The following EEF1D variants were observed in gnomAD, a reference collection of about 807,000 sequenced individuals.
EEF1D encodes the protein elongation factor 1-delta.
In EEF1D, 47 loss-of-function variants were observed where a neutral mutation model predicts 63.9. The observed-to-expected ratio is 0.74, with a 90% CI of 0.58 to 0.94. EEF1D has a LOEUF of 0.94. Ranked by LOEUF, EEF1D falls within the 40% of genes least tolerant of loss-of-function variation. The pLI is 0.00. For synonymous variants in EEF1D, 412 were observed against 386.1 expected (o/e 1.07, Z -0.79); for missense variants, 907 against 899.0 (o/e 1.01, Z -0.11).
In EEF1D at chr8:143,589,523, C is replaced by G; in HGVS notation, c.559G>C (p.Ala187Pro). 6.6e-7 allele frequency: 1 copy of G among 1,511,410 alleles called. No homozygotes were observed. The highest frequency in any genetic ancestry group is 2.3e-5 in the East Asian group (1 of 42,712). 93.6% of individuals were successfully genotyped at this position (1,511,410 alleles called of 1,614,324 possible). ...FVEWSQALLLAPDGSRRQGTP... is the reference protein window; with the variant it reads ...FVEWSQALLLPPDGSRRQGTP... The stretch of plus-strand genomic sequence containing the variant: ...CCCTGCCTGCGGCTGCCGTCGGGGG[C>G]CAGCAACAGGGCCTGAGACCACTCC... The change falls in exon 3 of 10, where the codon GCC becomes CCC. Residue 187 changes from alanine (A) to proline (P), a missense_variant. Ala to Pro is a conservative substitution (Grantham distance 27, BLOSUM62 -1). Coordinates refer to ENST00000618139, the MANE Select transcript of EEF1D (RefSeq NM_001130053.5).
chr8:143,581,305 G>C lies in EEF1D; in HGVS notation c.1311C>G (p.Ser437Arg). 1 of 1,611,798 alleles carries C rather than the reference G, an allele frequency of 6.2e-7. No homozygotes were observed. The highest frequency in any genetic ancestry group is 8.5e-7 in the Non-Finnish European group (1 of 1,179,926). Residue 437 changes from serine (S) to arginine (R), a missense_variant, in exon 6 of 10, where the codon AGC (serine) becomes AGG (arginine). Coordinates refer to ENST00000618139, the MANE Select transcript of EEF1D (RefSeq NM_001130053.5). ...GCTCACCGTGGTCTCCGCTGGTGCC[G>C]CTGGAGGCCCCGGGGCCTGAGCTCT... The part of the protein sequence containing the change: ...LAGSSGPGAS[S>R]GTSGDHGELV...
Position 143,594,375 on chromosome 8 carries a change from C to T in EEF1D, c.-14-1715G>A, listed in dbSNP as rs1208564062. Reference sequence around the variant, plus strand: ...TGCAGCGGCATGGCCCTCACAGCCTCCCCTGTCCCTGTCCTGGGAGCAGCC... The same window carrying T: ...TGCAGCGGCATGGCCCTCACAGCCTTCCCTGTCCCTGTCCTGGGAGCAGCC... On this transcript the variant is annotated intron_variant, in intron 1 of 9. Coordinates refer to ENST00000618139, the MANE Select transcript of EEF1D (RefSeq NM_001130053.5). The T allele has an allele frequency of 6.8e-5, 10 of 146,312 alleles. No individual in the cohort carries two copies. In the Admixed American group the frequency reaches 7.0e-4, roughly 10 times the overall value. The allele number at this position is 146,312 out of a possible 1,614,324, so 9.1% of individuals were successfully genotyped here. A position where few individuals can be genotyped will look rare whatever the true frequency, so the allele number is the denominator to read the frequency against.
chr8:143,590,314 C>T lies in EEF1D; in HGVS notation c.1-233G>A, dbSNP rs1044377631. The T allele has an allele frequency of 1.6e-5, 11 of 688,286 alleles. No individual in the cohort carries two copies. The Admixed American group carries it at 2.9e-4, about 18-fold the overall frequency. 42.6% of individuals were successfully genotyped at this position (688,286 alleles called of 1,614,324 possible). A position where few individuals can be genotyped will look rare whatever the true frequency, so the allele number is the denominator to read the frequency against. ...AGAAAACAGGCCGGGCGCAGTGGCTCATGCCTGTAATCTCAGTACTCTGGG... is the reference window on the plus strand; with the variant it reads ...AGAAAACAGGCCGGGCGCAGTGGCTTATGCCTGTAATCTCAGTACTCTGGG... On this transcript the variant is annotated intron_variant, in intron 2 of 9. Coordinates refer to ENST00000618139, the MANE Select transcript of EEF1D (RefSeq NM_001130053.5).
At chr8:143,585,155 A>G (rs1037654827) in intron 5 of EEF1D, among the ~76,000 whole-genome samples, 3 of 152,150 alleles carry the variant, frequency 2.0e-5, no homozygotes, top group Non-Finnish European at 2.9e-5. Flanking sequence ...ACTACCTTAC[A>G]TGGCAAAAAG....
Position 143,589,881 on chromosome 8 carries a change from G to A in EEF1D, c.201C>T (p.Asp67=), listed in dbSNP as rs936359272. 31 of 1,599,312 alleles carry A rather than the reference G, an allele frequency of 1.9e-5. No individual in the cohort carries two copies. Among genetic ancestry groups the A allele is most frequent in the East Asian group, 4.5e-5 (2 of 44,708 alleles). ...TCCTGGGATCACGCCTGCTGCCGCC[G>A]TCAGGGGCTTCCGCCTCATCAGCGT... ...PEDADEAEAP[D]GGSRRDPRKS... The change falls in exon 3 of 10, where the codon GAC becomes GAT. Residue 67 remains aspartate (D), a synonymous_variant. Transcript: ENST00000618139.
chr8:143,585,348 A>C (rs1826366117), intron 5 of EEF1D, among the ~76,000 whole-genome samples: 1 of 152,126 alleles, frequency 6.6e-6, no homozygotes, highest in African/African-American at 2.4e-5. Context: ...GAGCACCTTG[A>C]AACAAGCAAC....
In EEF1D at chr8:143,589,204, C is replaced by T. The variant is rs1412814321; in HGVS notation, c.878G>A (p.Arg293Gln). 8.8e-6 allele frequency: 14 copies of T among 1,587,082 alleles called. No individual in the cohort carries two copies. The highest frequency in any genetic ancestry group is 6.8e-5 in the East Asian group (3 of 44,154). The change falls in exon 3 of 10, where the codon CGG (arginine) becomes CAG (glutamine). Residue 293 changes from arginine to glutamine, a missense_variant. Transcript: ENST00000618139. The part of the protein sequence containing the change: ...ILGNKRAGLR[R>Q]ADGEAPSALP... ...GGCAGAGGGGGCCTCCCCATCGGCC[C>T]GTCGCAGCCCGGCCCGCTTGTTCCC...
Position 143,580,674 on chromosome 8 carries a change from T to C in EEF1D, c.1542A>G (p.Pro514=), listed in dbSNP as rs1458588591. 4 of 1,613,856 alleles carry C rather than the reference T, an allele frequency of 2.5e-6. No homozygotes were observed. Among genetic ancestry groups the C allele is most frequent in the Non-Finnish European group, 3.4e-6 (4 of 1,180,000 alleles). ...TGTCATCATCCTCGTCATCCTCTGC[T>C]GGTGTGGCTGGCTTCTTGGCTGGGG... ...VEPPAKKPAT[P]AEDDEDDDID... Residue 514 remains proline (P), a synonymous_variant, in exon 8 of 10, where the codon CCA becomes CCG. Coordinates refer to ENST00000618139, the MANE Select transcript of EEF1D (RefSeq NM_001130053.5).
At chr8:143,595,215 G>A (rs370612681) in intron 1 of EEF1D, among the ~76,000 whole-genome samples, 11 of 143,320 alleles carry the variant, frequency 7.7e-5, no homozygotes, top group East Asian at 6.1e-4. Context: ...GATTACAGGC[G>A]TGTGCCACCA....
At chr8:143,590,454 A>C in intron 2 of EEF1D, 1 of 940,814 alleles carries the variant, frequency 1.1e-6, no homozygotes. Context: ...ATCTGAAATA[A>C]GCTTTAACTG....
chr8:143,584,489 C>T (rs1043902407), intron 5 of EEF1D, among the ~76,000 whole-genome samples: 1 of 152,048 alleles, frequency 6.6e-6, no homozygotes, highest in African/African-American at 2.4e-5. Context: ...ATCGCTTGAA[C>T]CCCAGAGGCT....
At chr8:143,595,844 C>T (rs941620302) in intron 1 of EEF1D, among the ~76,000 whole-genome samples, 1 of 152,244 alleles carries the variant, frequency 6.6e-6, no homozygotes, top group South Asian at 2.1e-4. Flanking sequence ...ACACCTCACA[C>T]GGCACCCTTG....
chr8:143,589,725 G>A lies in EEF1D; in HGVS notation c.357C>T (p.Asp119=). ...ERVWLDKSLF[D]QAESSYRQKL... is the part of the protein sequence containing the mutation. ...TCTGGCGGTAGGAGCTCTCTGCCTGGTCGAAAAGTGACTTGTCCAGCCACA... is the reference window on the plus strand; with the variant it reads ...TCTGGCGGTAGGAGCTCTCTGCCTGATCGAAAAGTGACTTGTCCAGCCACA... Residue 119 remains aspartate (D), a synonymous_variant, in exon 3 of 10, where the codon GAC becomes GAT. Transcript: ENST00000618139. 1 of 1,523,912 alleles carries A rather than the reference G, an allele frequency of 6.6e-7. No homozygotes were observed. The allele number at this position is 1,523,912 out of a possible 1,614,324, so 94.4% of individuals were successfully genotyped here.
intron 2 of EEF1D, chr8:143,590,456 C>G: frequency 1.0e-6 from 1 of 958,144 alleles, no homozygotes; most frequent in Non-Finnish European, 1.4e-6. Flanking sequence ...CTGAAATAAG[C>G]TTTAACTGGC....
intron 5 of EEF1D, among the ~76,000 whole-genome samples, chr8:143,584,457 C>G (rs539823493): frequency 2.0e-5 from 3 of 151,616 alleles, no homozygotes; most frequent in Non-Finnish European, 4.4e-5. Flanking sequence ...GTCTCAGCTA[C>G]TCGGGAGGCT....
intron 2 of EEF1D, among the ~76,000 whole-genome samples, chr8:143,591,363 G>A (rs76108894): frequency 0.062 from 9,464 of 152,274 alleles, 344 homozygotes; most frequent in South Asian, 0.15. Context: ...GCAGCCATGT[G>A]GGATCCTGCC....
chr8:143,586,299 A>G lies in EEF1D; in HGVS notation c.1216-9T>C, dbSNP rs1300673002. The G allele has an allele frequency of 5.8e-6, 9 of 1,556,390 alleles. No individual in the cohort carries two copies. In the East Asian group the frequency reaches 6.9e-5, roughly 12 times the overall value. On this transcript the variant is annotated splice_polypyrimidine_tract_variant and intron_variant, in intron 4 of 9. Coordinates refer to ENST00000618139, the MANE Select transcript of EEF1D (RefSeq NM_001130053.5). The stretch of plus-strand genomic sequence containing the variant: ...ACGCTGGCGCCGTTCTCCTGCAGAC[A>G]GTGCAGAAAGAACCAGTCTTTTTTT...
At chr8:143,580,402 G>C in intron 8 of EEF1D, 104 bp downstream of exon 8, 2 of 1,404,942 alleles carry the variant, frequency 1.4e-6, no homozygotes, top group Non-Finnish European at 2.0e-6. Context: ...CGGCTTTAAA[G>C]TCTCCCCAGA....
intron 4 of EEF1D, 32 bp from the exon 5 acceptor site, chr8:143,586,322 TTTTATTATTAAAAAAGAATTTAATTAA>T (rs1201632130): frequency 8.7e-6 from 13 of 1,488,372 alleles, no homozygotes; most frequent in Admixed American, 7.6e-5. Context: ...CCAGTCTTTT[TTTTATTATTAAAAAAGAATTTAATTAA>T]AAAACAAACC....
Sources: gnomAD v4.1 joint callset for allele counts (sites outside exome capture counted in the v4.1 genomes callset) on GRCh38, gnomAD v4.1.1 for gene constraint, MANE v1.5 for transcripts, NCBI Gene and HGNC (gene_info 2026-07-23, HGNC 2026-07-21) for gene names.